The following ATG14 variants were observed in gnomAD, a reference collection of about 807,000 sequenced individuals.
The protein encoded by ATG14 is beclin 1-associated autophagy-related key regulator.
ATG14 carries 35 observed loss-of-function variants against 60.4 expected under a neutral mutation model. The observed-to-expected ratio is 0.58, with a 90% CI of 0.44 to 0.77. The LOEUF (loss-of-function observed/expected upper bound fraction) is 0.77, where lower values mean the gene tolerates loss of function less well. Ranked by LOEUF, ATG14 falls within the 30% of genes least tolerant of loss-of-function variation. The pLI, the probability that ATG14 is intolerant of heterozygous loss-of-function variation, is 0.00. For missense variants in ATG14, 647 were observed against 626.3 expected, an observed-to-expected ratio of 1.03 and a Z score of -0.35; for synonymous variants, 234 against 228.8, an observed-to-expected ratio of 1.02 and a Z score of -0.21.
At chr14:55,381,444 T>C (rs1395645612) in intron 6 of ATG14, among the ~76,000 whole-genome samples, 1 of 152,228 alleles carries the variant, frequency 6.6e-6, no homozygotes, top group Non-Finnish European at 1.5e-5. Flanking sequence ...AACGTCCTCT[T>C]ACATAAACAA....
At position 55,369,865 on chromosome 14, in the gene ATG14, T is replaced by C; in HGVS notation, c.1233A>G (p.Gly411=). 1 of 1,614,116 alleles carries C rather than the reference T, an allele frequency of 6.2e-7. No individual in the cohort carries two copies. The highest frequency in any genetic ancestry group is 8.5e-7 in the Non-Finnish European group (1 of 1,179,998). ...LEESMEFVDP[G]VAGESDESGD... ...CGCTCTCATCTGATTCTCCAGCAAC[T>C]CCGGGATCCACAAATTCCATGGACT... is the stretch of plus-strand genomic sequence containing the variant. The change falls in exon 10 of 10, where the codon GGA becomes GGG. Residue 411 remains glycine (G), a synonymous_variant. Coordinates refer to ENST00000247178, the MANE Select transcript of ATG14 (RefSeq NM_014924.5).
At chr14:55,373,088 C>G (rs1884854391) in intron 9 of ATG14, among the ~76,000 whole-genome samples, 1 of 152,182 alleles carries the variant, frequency 6.6e-6, no homozygotes, top group South Asian at 2.1e-4. Context: ...CTGCCAGACC[C>G]CAAGCTAGAG....
intron 9 of ATG14, among the ~76,000 whole-genome samples, chr14:55,375,503 T>A (rs937392732): frequency 3.2e-4 from 44 of 139,280 alleles, no homozygotes; most frequent in African/African-American, 1.1e-3. Context: ...TTTTTTTTTT[T>A]TTTTTTTTTT....
intron 1 of ATG14, among the ~76,000 whole-genome samples, 196 bp downstream of exon 1, chr14:55,411,406 G>T (rs1438046455): frequency 6.6e-6 from 1 of 152,182 alleles, no homozygotes; most frequent in East Asian, 1.9e-4. Flanking sequence ...GGGAAACGGC[G>T]ACCTTCCCTC....
Position 55,411,549 on chromosome 14 carries a change from T to C in ATG14, c.221+53A>G, listed in dbSNP as rs1194557986. ...CCCCAGGTTCCAGCCTTCGGCTGCCTGGCTGGAGGACACACAGCAGAAGAA... is the reference window on the plus strand; with the variant it reads ...CCCCAGGTTCCAGCCTTCGGCTGCCCGGCTGGAGGACACACAGCAGAAGAA... On this transcript the variant is annotated intron_variant, in intron 1 of 9. Coordinates refer to ENST00000247178, the MANE Select transcript of ATG14 (RefSeq NM_014924.5). 7 of 1,526,602 alleles carry C rather than the reference T, an allele frequency of 4.6e-6. No homozygotes were observed. In the African/African-American group the frequency reaches 5.5e-5, roughly 12 times the overall value. 94.6% of individuals were successfully genotyped at this position (1,526,602 alleles called of 1,614,324 possible).
chr14:55,377,198 T>A (rs1031486742), intron 9 of ATG14, among the ~76,000 whole-genome samples: 1 of 152,038 alleles, frequency 6.6e-6, no homozygotes, highest in Non-Finnish European at 1.5e-5. Flanking sequence ...AATACAAAAA[T>A]TAGCCAGGCA....
intron 1 of ATG14, among the ~76,000 whole-genome samples, chr14:55,400,263 A>T (rs1423513537): frequency 6.6e-6 from 1 of 152,206 alleles, no homozygotes; most frequent in East Asian, 1.9e-4. Context: ...CCAAGAGGTG[A>T]AAAATAGAGT....
At chr14:55,389,783 A>G (rs1185324574) in intron 4 of ATG14, among the ~76,000 whole-genome samples, 1 of 152,236 alleles carries the variant, frequency 6.6e-6, no homozygotes, top group African/African-American at 2.4e-5. Flanking sequence ...ATGTAATAGA[A>G]ATGTATATGA....
chr14:55,374,416 T>G (rs896242037), intron 9 of ATG14, among the ~76,000 whole-genome samples: 4 of 152,252 alleles, frequency 2.6e-5, no homozygotes. Context: ...TGTACTGATT[T>G]GAAAGATTTC....
chr14:55,378,376 A>G (rs1884961042), intron 7 of ATG14, among the ~76,000 whole-genome samples: 1 of 152,246 alleles, frequency 6.6e-6, no homozygotes, highest in African/African-American at 2.4e-5. Flanking sequence ...TTGAAGCATC[A>G]ACAGCAGACT....
rs1426128492 is a variant in ATG14 at position 55,410,401 on chromosome 14, C to A, written c.221+1201G>T. Among the ~76,000 whole-genome samples, 3 of 152,182 alleles carry A rather than the reference C, an allele frequency of 2.0e-5. No homozygotes were observed. The East Asian group carries it at 5.8e-4, about 29-fold the overall frequency. ...GATTCACTCCATCAGTTAGACATTT[C>A]CATCTCATACCCCGTATTCTTATAA... is the stretch of plus-strand genomic sequence containing the variant. On this transcript the variant is annotated intron_variant, in intron 1 of 9. Coordinates refer to ENST00000247178, the MANE Select transcript of ATG14 (RefSeq NM_014924.5).
intron 6 of ATG14, among the ~76,000 whole-genome samples, 185 bp from the exon 7 acceptor site, chr14:55,380,875 A>ATATATATATATATATTTTTTTT (rs377330757): frequency 3.5e-5 from 4 of 112,700 alleles, no homozygotes; most frequent in Non-Finnish European, 7.0e-5. Flanking sequence ...ATATATATAT[A>ATATATATATATATATTTTTTTT]TTTTTTTTTT....
chr14:55,371,006 C>A (rs940000629), intron 9 of ATG14, among the ~76,000 whole-genome samples: 17 of 152,124 alleles, frequency 1.1e-4, no homozygotes, highest in Non-Finnish European at 2.5e-4. Context: ...GGCAGCCAGG[C>A]TGCATGTCCT....
intron 6 of ATG14, 38 bp from the exon 7 acceptor site, chr14:55,380,728 A>C: frequency 7.2e-7 from 1 of 1,387,248 alleles, no homozygotes; most frequent in Admixed American, 1.9e-5. Context: ...CAAAACCTTA[A>C]TTCCAACAAA....
chr14:55,385,108 C>T lies in ATG14; in HGVS notation c.647+751G>A, dbSNP rs573280177. Among the ~76,000 whole-genome samples the T allele has an allele frequency of 2.3e-3, 345 of 152,326 alleles. 1 individual carries two copies. The highest frequency in any genetic ancestry group is 4.1e-3 in the Non-Finnish European group (279 of 68,038). On this transcript the variant is annotated intron_variant, in intron 5 of 9. Coordinates refer to ENST00000247178, the MANE Select transcript of ATG14 (RefSeq NM_014924.5). ...AGGCTAAGCCAACATGTAGTGCCCA[C>T]CATCTAAGAGACCCCAAGCTCTAGA... is the stretch of plus-strand genomic sequence containing the variant.
Position 55,367,414 on chromosome 14 carries a change from T to C in ATG14, c.*2205A>G, listed in dbSNP as rs780905485. On this transcript the variant is annotated 3_prime_UTR_variant, in exon 10 of 10. Transcript: ENST00000247178. ...GAAGCCCAGCAATCAATCATGAAGCTGAGCACTTAAAACAGAGATCCCAGC... is the reference window on the plus strand; with the variant it reads ...GAAGCCCAGCAATCAATCATGAAGCCGAGCACTTAAAACAGAGATCCCAGC... 6.6e-6 allele frequency: 1 copy of C among 152,262 alleles called. No homozygotes were observed. The highest frequency in any genetic ancestry group is 1.5e-5 in the Non-Finnish European group (1 of 68,086). 9.4% of individuals were successfully genotyped at this position (152,262 alleles called of 1,614,324 possible).
chr14:55,370,658 T>A (rs1015822312), intron 9 of ATG14, among the ~76,000 whole-genome samples: 1 of 151,960 alleles, frequency 6.6e-6, no homozygotes, highest in Admixed American at 6.6e-5. Flanking sequence ...TTTTTTTTTA[T>A]TTAGACAGAG....
chr14:55,375,188 A>G (rs1034525574), intron 9 of ATG14, among the ~76,000 whole-genome samples: 5 of 152,260 alleles, frequency 3.3e-5, no homozygotes, highest in African/African-American at 1.2e-4. Flanking sequence ...TAATTTTTAT[A>G]ATCATTTTAC....
intron 2 of ATG14, among the ~76,000 whole-genome samples, chr14:55,396,849 C>A (rs2140145066): frequency 6.6e-6 from 1 of 152,152 alleles, no homozygotes; most frequent in Non-Finnish European, 1.5e-5. Flanking sequence ...CACCATTCCC[C>A]CCCACAAAAA....
Sources: gnomAD v4.1 joint callset for allele counts (sites outside exome capture counted in the v4.1 genomes callset) on GRCh38, gnomAD v4.1.1 for gene constraint, MANE v1.5 for transcripts, NCBI Gene and HGNC (gene_info 2026-07-23, HGNC 2026-07-21) for gene names.